The following SLC25A26 variants were observed in gnomAD, a reference collection of about 807,000 sequenced individuals.
SLC25A26 encodes solute carrier family 25 member 26, also known as mitochondrial S-adenosylmethionine carrier protein.
Under a neutral mutation model 37.8 loss-of-function variants are expected in SLC25A26, and 36 were observed. The observed-to-expected ratio is 0.95, with a 90% CI of 0.73 to 1.26. The LOEUF is 1.26. Among genes scored for constraint, SLC25A26 ranks in the 50% most tolerant of loss-of-function variants. SLC25A26 has a pLI of 0.00. For missense variants in SLC25A26, 390 were observed against 331.1 expected (o/e 1.18, Z -1.38); for synonymous variants, 129 against 122.5 (o/e 1.05, Z -0.35).
chr3:66,280,285 A>G (rs1426910393), intron 5 of SLC25A26, among the ~76,000 whole-genome samples: 1 of 152,188 alleles, frequency 6.6e-6, no homozygotes, highest in Non-Finnish European at 1.5e-5. Flanking sequence ...CATCTGCCAT[A>G]TGCCAGATGA....
chr3:66,319,936 G>A (rs994736491), intron 5 of SLC25A26, among the ~76,000 whole-genome samples: 4 of 151,532 alleles, frequency 2.6e-5, no homozygotes, highest in Non-Finnish European at 4.4e-5. Flanking sequence ...TAGTAGAGAC[G>A]GAGTTTCTCC....
chr3:66,243,996 C>A (rs1446119781), intron 3 of SLC25A26, among the ~76,000 whole-genome samples: 2 of 152,098 alleles, frequency 1.3e-5, no homozygotes, highest in Admixed American at 1.3e-4. Context: ...CTTGTTCTTC[C>A]CCAACTTCAC....
chr3:66,242,492 C>T (rs782787463), intron 2 of SLC25A26, among the ~76,000 whole-genome samples: 7 of 152,166 alleles, frequency 4.6e-5, no homozygotes, highest in Non-Finnish European at 1.0e-4. Flanking sequence ...CTTAGTGTTT[C>T]AGAGTTAGTG....
At chr3:66,215,890 T>C (rs1044029421) in intron 1 of SLC25A26, among the ~76,000 whole-genome samples, 5 of 152,198 alleles carry the variant, frequency 3.3e-5, no homozygotes, top group Admixed American at 3.3e-4. Flanking sequence ...AGAACAGAAA[T>C]GTATTGCTCA....
chr3:66,167,176 T>C (rs1576607483), intron 1 of SLC25A26, among the ~76,000 whole-genome samples: 2 of 152,136 alleles, frequency 1.3e-5, no homozygotes, highest in Admixed American at 6.5e-5. Context: ...CTAATACAGA[T>C]GGTAAAGGGT....
intron 6 of SLC25A26, among the ~76,000 whole-genome samples, chr3:66,356,724 G>T (rs142690230): frequency 2.7e-4 from 41 of 152,256 alleles, no homozygotes; most frequent in African/African-American, 9.6e-4. Flanking sequence ...AACCTCCCAG[G>T]CTCAAGCAAT....
intron 1 of SLC25A26, among the ~76,000 whole-genome samples, chr3:66,228,801 T>C (rs1553661987): frequency 1.3e-5 from 2 of 152,232 alleles, no homozygotes; most frequent in Non-Finnish European, 2.9e-5. Context: ...AAGTTTGAAT[T>C]CAAGAATCAT....
At chr3:66,168,409 G>C (rs1333495576) in intron 1 of SLC25A26, among the ~76,000 whole-genome samples, 2 of 151,970 alleles carry the variant, frequency 1.3e-5, no homozygotes, top group Non-Finnish European at 2.9e-5. Flanking sequence ...CAGCATTCCT[G>C]AAATTCTGAG....
At chr3:66,255,116 G>A (rs1206815471) in intron 3 of SLC25A26, among the ~76,000 whole-genome samples, 3 of 152,138 alleles carry the variant, frequency 2.0e-5, no homozygotes, top group African/African-American at 7.2e-5. Context: ...CAAATGTTTA[G>A]TTTTATGATT....
intron 6 of SLC25A26, among the ~76,000 whole-genome samples, chr3:66,357,516 ATTG>A (rs1471347650): frequency 1.3e-5 from 2 of 152,070 alleles, no homozygotes; most frequent in African/African-American, 4.8e-5. Flanking sequence ...TAAATTCCTT[ATTG>A]TTATTTTGGT....
At chr3:66,175,052 G>T (rs2070557445) in intron 1 of SLC25A26, among the ~76,000 whole-genome samples, 1 of 144,654 alleles carries the variant, frequency 6.9e-6, no homozygotes, top group South Asian at 2.2e-4. Flanking sequence ...GATTGGTCAG[G>T]ATTCTCCAGA....
chr3:66,175,852 C>T (rs2070579215), intron 1 of SLC25A26, among the ~76,000 whole-genome samples: 1 of 152,190 alleles, frequency 6.6e-6, no homozygotes, highest in African/African-American at 2.4e-5. Flanking sequence ...TCACTCAGTG[C>T]ACTGGTTTAA....
intron 2 of SLC25A26, among the ~76,000 whole-genome samples, chr3:66,240,485 T>C (rs1252981085): frequency 6.6e-6 from 1 of 151,958 alleles, no homozygotes; most frequent in Non-Finnish European, 1.5e-5. Flanking sequence ...ATGGACTTTC[T>C]CCATGTTGTC....
intron 1 of SLC25A26, among the ~76,000 whole-genome samples, chr3:66,199,431 T>C (rs942288147): frequency 6.6e-6 from 1 of 152,098 alleles, no homozygotes; most frequent in Non-Finnish European, 1.5e-5. Flanking sequence ...ACCCTTATCC[T>C]GGCCCTGACA....
At chr3:66,276,616 A>G (rs1221322481) in intron 5 of SLC25A26, among the ~76,000 whole-genome samples, 4 of 127,326 alleles carry the variant, frequency 3.1e-5, no homozygotes, top group Non-Finnish European at 6.1e-5. Flanking sequence ...AAATGTTTTG[A>G]CTGATTGTAG....
At chr3:66,242,446 C>G (rs2072626220) in intron 2 of SLC25A26, among the ~76,000 whole-genome samples, 1 of 152,188 alleles carries the variant, frequency 6.6e-6, no homozygotes, top group East Asian at 1.9e-4. Flanking sequence ...CTTTTGTTGA[C>G]TTTGGAGAAC....
At chr3:66,222,088 T>C (rs534588451) in intron 1 of SLC25A26, among the ~76,000 whole-genome samples, 1 of 152,186 alleles carries the variant, frequency 6.6e-6, no homozygotes, top group African/African-American at 2.4e-5. Flanking sequence ...AGTAGGGATG[T>C]CTTAGCCAGA....
At chr3:66,212,282 A>T (rs1214439086) in intron 1 of SLC25A26, among the ~76,000 whole-genome samples, 9 of 147,222 alleles carry the variant, frequency 6.1e-5, no homozygotes, top group East Asian at 2.0e-4. Flanking sequence ...TGGTTAATAA[A>T]TTTTTTTTTT....
At chr3:66,346,317 T>C (rs2076321419) in intron 5 of SLC25A26, 47 bp from the exon 6 acceptor site, 1 of 1,016,576 alleles carries the variant, frequency 9.8e-7, no homozygotes, top group Admixed American at 2.8e-5. Context: ...CAGGCAAACT[T>C]GGCTCTTTTT....
Sources: gnomAD v4.1 joint callset for allele counts (sites outside exome capture counted in the v4.1 genomes callset) on GRCh38, gnomAD v4.1.1 for gene constraint, MANE v1.5 for transcripts, NCBI Gene and HGNC (gene_info 2026-07-23, HGNC 2026-07-21) for gene names.